The following MMP16 variants were observed in gnomAD, a reference collection of about 807,000 sequenced individuals.
MMP16 encodes the protein matrix metallopeptidase 16.
Under a neutral mutation model 67.8 loss-of-function variants are expected in MMP16, and 12 were observed. That is an observed-to-expected ratio of 0.18 (90% CI 0.11 to 0.29). MMP16 has a LOEUF of 0.29. Among genes scored for constraint, MMP16 ranks in the 10% least tolerant of loss-of-function variants. MMP16 has a pLI of 1.00. For synonymous variants in MMP16, 249 were observed against 255.9 expected (o/e 0.97, Z 0.26); for missense variants, 475 against 765.7 (o/e 0.62, Z 4.48).
intron 4 of MMP16, among the ~76,000 whole-genome samples, chr8:88,125,448 G>T (rs976454695): frequency 1.3e-5 from 2 of 151,744 alleles, no homozygotes; most frequent in African/African-American, 4.8e-5. Flanking sequence ...ATCAGAAAAA[G>T]TATTTTCAGA....
At chr8:88,071,080 T>G (rs1808545400) in intron 7 of MMP16, among the ~76,000 whole-genome samples, 1 of 152,098 alleles carries the variant, frequency 6.6e-6, no homozygotes, top group Admixed American at 6.6e-5. Flanking sequence ...CAACTCCCAC[T>G]TCATATGATA....
intron 1 of MMP16, among the ~76,000 whole-genome samples, chr8:88,212,000 C>T (rs1252983458): frequency 6.6e-6 from 1 of 151,106 alleles, no homozygotes; most frequent in Non-Finnish European, 1.5e-5. Flanking sequence ...GAATGTGCCT[C>T]CTGGGCTTCA....
At chr8:88,294,519 CAT>C (rs1020139800) in intron 1 of MMP16, among the ~76,000 whole-genome samples, 10 of 140,992 alleles carry the variant, frequency 7.1e-5, no homozygotes, top group South Asian at 4.6e-4. Context: ...TCTACACACA[CAT>C]GTATATGTCT....
chr8:88,167,597 A>C, intron 4 of MMP16, 72 bp downstream of exon 4: 1 of 1,417,176 alleles, frequency 7.1e-7, no homozygotes, highest in Non-Finnish European at 9.5e-7. Flanking sequence ...TAAGTTTGTA[A>C]ATTGTTAAAT....
chr8:88,113,220 CACTA>C lies in MMP16; in HGVS notation c.1083+3283_1083+3286del, dbSNP rs535469885. Among the ~76,000 whole-genome samples, 9 of 151,786 alleles carry C rather than the reference CACTA, an allele frequency of 5.9e-5. No individual in the cohort carries two copies. In the South Asian group the frequency reaches 1.5e-3, roughly 25 times the overall value. On this transcript the variant is annotated intron_variant, in intron 6 of 9. Coordinates refer to ENST00000286614, the MANE Select transcript of MMP16 (RefSeq NM_005941.5). ...TTACAGAAGACAGAAATTAATAACACACTAACTGAATATAGAGAATAAATATAAA... is the reference window on the plus strand; with the variant it reads ...TTACAGAAGACAGAAATTAATAACACACTGAATATAGAGAATAAATATAAA...
rs28906972 is a variant in MMP16, at chr8:88,045,641, C to T, written c.1489+1028G>A. Among the ~76,000 whole-genome samples the T allele has an allele frequency of 3.0e-3, 453 of 152,194 alleles. 3 individuals carry two copies. The highest frequency in any genetic ancestry group is 9.8e-3 in the African/African-American group (408 of 41,504). On this transcript the variant is annotated intron_variant, in intron 9 of 9. Coordinates refer to ENST00000286614, the MANE Select transcript of MMP16 (RefSeq NM_005941.5). The stretch of plus-strand genomic sequence containing the variant: ...TCAGCCTCCCAGGTGTGAGCCCCCA[C>T]GCCCTGCCAGTGTAGAGTTTTCTTA...
chr8:88,040,355 T>A lies in MMP16; in HGVS notation c.*1106A>T, dbSNP rs1476306983. 1 of 152,604 alleles carries A rather than the reference T, an allele frequency of 6.6e-6. No homozygotes were observed. Among genetic ancestry groups the A allele is most frequent in the Admixed American group, 6.6e-5 (1 of 15,262 alleles). 9.5% of individuals were successfully genotyped at this position (152,604 alleles called of 1,614,324 possible). A position where few individuals can be genotyped will look rare whatever the true frequency, so the allele number is the denominator to read the frequency against. The stretch of plus-strand genomic sequence containing the variant: ...TTTAAAAACCTGAACTTCTTGAACT[T>A]GTGACTGTTTTTACCATTGCCCAGT... On this transcript the variant is annotated 3_prime_UTR_variant, in exon 10 of 10. Transcript: ENST00000286614.
At chr8:88,071,808 T>C (rs914306110) in intron 7 of MMP16, among the ~76,000 whole-genome samples, 1 of 152,146 alleles carries the variant, frequency 6.6e-6, no homozygotes, top group Non-Finnish European at 1.5e-5. Context: ...GAATAGTTTT[T>C]ACATTTTTAA....
At chr8:88,139,857 TC>T (rs1443671840) in intron 4 of MMP16, among the ~76,000 whole-genome samples, 1 of 152,184 alleles carries the variant, frequency 6.6e-6, no homozygotes, top group Non-Finnish European at 1.5e-5. Context: ...ATTCCTATTT[TC>T]CTAGGTAATT....
At chr8:88,050,093 G>A (rs562986969) in intron 8 of MMP16, among the ~76,000 whole-genome samples, 4 of 152,150 alleles carry the variant, frequency 2.6e-5, no homozygotes, top group Non-Finnish European at 5.9e-5. Context: ...AGGCCAATGC[G>A]GGTGGATTAC....
chr8:88,156,475 C>G (rs965050682), intron 4 of MMP16, among the ~76,000 whole-genome samples: 1 of 151,966 alleles, frequency 6.6e-6, no homozygotes, highest in Non-Finnish European at 1.5e-5. Flanking sequence ...GGGGTTCTGG[C>G]AATTCTTGAT....
At chr8:88,244,782 A>T (rs147073823) in intron 1 of MMP16, among the ~76,000 whole-genome samples, 15 of 152,330 alleles carry the variant, frequency 9.8e-5, no homozygotes, top group Admixed American at 9.8e-4. Context: ...TGACTTTCAT[A>T]GACATGTACA....
At chr8:88,223,270 C>A (rs560310657) in intron 1 of MMP16, among the ~76,000 whole-genome samples, 6 of 151,916 alleles carry the variant, frequency 3.9e-5, no homozygotes, top group African/African-American at 7.3e-5. Flanking sequence ...TCAACCATTG[C>A]GGAAGACAGT....
intron 8 of MMP16, among the ~76,000 whole-genome samples, chr8:88,054,776 A>T (rs1355946829): frequency 6.6e-6 from 1 of 152,196 alleles, no homozygotes. Flanking sequence ...TAATGTTTGA[A>T]ACCATTTGGA....
intron 4 of MMP16, among the ~76,000 whole-genome samples, chr8:88,147,710 T>C (rs1032827291): frequency 1.3e-5 from 2 of 151,854 alleles, no homozygotes; most frequent in East Asian, 3.9e-4. Flanking sequence ...ACCTAATGAG[T>C]CTTTTCTATC....
intron 1 of MMP16, among the ~76,000 whole-genome samples, chr8:88,214,757 C>T (rs549007577): frequency 1.3e-5 from 2 of 152,216 alleles, no homozygotes; most frequent in African/African-American, 4.8e-5. Context: ...CTAACTGAAA[C>T]GTTGTGTCCT....
At chr8:88,222,495 G>C (rs1433298769) in intron 1 of MMP16, among the ~76,000 whole-genome samples, 2 of 152,038 alleles carry the variant, frequency 1.3e-5, no homozygotes, top group African/African-American at 4.8e-5. Flanking sequence ...TACCAAAACA[G>C]AGATATAGAC....
intron 6 of MMP16, among the ~76,000 whole-genome samples, chr8:88,115,148 T>C (rs1243052503): frequency 6.6e-6 from 1 of 152,060 alleles, no homozygotes; most frequent in African/African-American, 2.4e-5. Flanking sequence ...GTTATTATTA[T>C]GGTATCAAGG....
chr8:88,207,824 T>C (rs1315500649), intron 1 of MMP16, among the ~76,000 whole-genome samples: 3 of 152,184 alleles, frequency 2.0e-5, no homozygotes, highest in African/African-American at 7.2e-5. Context: ...AAGGAGCTTG[T>C]ATGTGGGTGC....
Sources: gnomAD v4.1 joint callset for allele counts (sites outside exome capture counted in the v4.1 genomes callset) on GRCh38, gnomAD v4.1.1 for gene constraint, MANE v1.5 for transcripts, NCBI Gene and HGNC (gene_info 2026-07-23, HGNC 2026-07-21) for gene names.